Variants in AURKA observed in about 807,000 individuals in gnomAD.
The protein encoded by AURKA is aurora 2.
AURKA carries 12 observed loss-of-function variants against 40.9 expected under a neutral mutation model. That is an observed-to-expected ratio of 0.29 (90% CI 0.19 to 0.48). The LOEUF (loss-of-function observed/expected upper bound fraction) is 0.48, where lower values mean the gene tolerates loss of function less well. Among genes scored for constraint, AURKA ranks in the 20% least tolerant of loss-of-function variants. AURKA has a pLI of 0.99. For synonymous variants in AURKA, 170 were observed against 164.3 expected, an observed-to-expected ratio of 1.03 and a Z score of -0.26; for missense variants, 322 against 462.1, an observed-to-expected ratio of 0.70 and a Z score of 2.78.
chr20:56,386,192 A>G (rs2146203280), intron 3 of AURKA, 65 bp downstream of exon 3: 1 of 1,590,930 alleles, frequency 6.3e-7, no homozygotes, highest in South Asian at 1.1e-5. Flanking sequence ...GCAAGTATAT[A>G]CACTGGCTTT....
intron 7 of AURKA, among the ~76,000 whole-genome samples, chr20:56,371,439 T>C (rs955320734): frequency 1.7e-4 from 25 of 150,054 alleles, no homozygotes; most frequent in East Asian, 4.0e-4. Flanking sequence ...CCAGCCTGGG[T>C]GACAGAGCGA....
chr20:56,381,560 A>G lies in AURKA; in HGVS notation c.578T>C (p.Ile193Thr). The G allele has an allele frequency of 1.2e-6, 2 of 1,613,858 alleles. No individual in the cohort carries two copies. The highest frequency in any genetic ancestry group is 1.1e-5 in the South Asian group (1 of 91,082). ...EIQSHLRHPNILRLYGYFHDA... is the reference protein window; with the variant it reads ...EIQSHLRHPNTLRLYGYFHDA... ...ATGGAAATAACCATACAGTCTAAGAATATTAGGATGCCTGCAACAAAGGAT... is the reference window on the plus strand; with the variant it reads ...ATGGAAATAACCATACAGTCTAAGAGTATTAGGATGCCTGCAACAAAGGAT... Residue 193 changes from isoleucine to threonine, a missense_variant, in exon 6 of 9, where the codon ATT becomes ACT. Ile to Thr is a moderately conservative substitution (Grantham distance 89). Coordinates refer to ENST00000395915, the MANE Select transcript of AURKA (RefSeq NM_198437.3).
intron 6 of AURKA, 112 bp downstream of exon 6, chr20:56,381,321 A>T: frequency 7.6e-7 from 1 of 1,315,572 alleles, no homozygotes; most frequent in Non-Finnish European, 1.1e-6. Flanking sequence ...ATTTGATATT[A>T]AGCTATCCTT....
chr20:56,389,266 C>T (rs6014714), intron 1 of AURKA, among the ~76,000 whole-genome samples: 5 of 152,170 alleles, frequency 3.3e-5, no homozygotes, highest in African/African-American at 1.2e-4. Flanking sequence ...CACCCAGTGC[C>T]TCAGCTCTAA....
At chr20:56,375,551 G>A (rs922915313) in intron 6 of AURKA, among the ~76,000 whole-genome samples, 3 of 152,126 alleles carry the variant, frequency 2.0e-5, no homozygotes, top group African/African-American at 7.2e-5. Flanking sequence ...TTCTAGACAG[G>A]ATTGAACATT....
intron 6 of AURKA, among the ~76,000 whole-genome samples, chr20:56,374,047 ACACAT>A (rs1209647776): frequency 6.6e-5 from 10 of 150,782 alleles, no homozygotes; most frequent in Admixed American, 2.6e-4. Context: ...ACACACACAC[ACACAT>A]CAACTGAACC....
chr20:56,381,693 C>G (rs1201886110), intron 5 of AURKA, 122 bp from the exon 6 acceptor site: 206 of 1,217,132 alleles, frequency 1.7e-4, no homozygotes, highest in Non-Finnish European at 1.8e-5. Flanking sequence ...CACTCCAAAC[C>G]CCACTTTAGA....
intron 7 of AURKA, among the ~76,000 whole-genome samples, chr20:56,371,094 T>C (rs1312793575): frequency 6.6e-6 from 1 of 152,142 alleles, no homozygotes; most frequent in Non-Finnish European, 1.5e-5. Flanking sequence ...TGTAGACACA[T>C]GCTGCCTTGT....
intron 6 of AURKA, among the ~76,000 whole-genome samples, chr20:56,379,532 C>T (rs1420429050): frequency 5.9e-5 from 9 of 152,202 alleles, no homozygotes; most frequent in Non-Finnish European, 4.4e-5. Flanking sequence ...GCAATGAGTA[C>T]ACCAAGTGCC....
chr20:56,375,647 A>G (rs866571292), intron 6 of AURKA, among the ~76,000 whole-genome samples: 1 of 152,216 alleles, frequency 6.6e-6, no homozygotes, highest in East Asian at 1.9e-4. Flanking sequence ...TTTCAGCCCA[A>G]AACCGGAGAT....
intron 1 of AURKA, chr20:56,388,559 C>A (rs1374876960): frequency 3.5e-6 from 1 of 285,972 alleles, no homozygotes; most frequent in Non-Finnish European, 6.8e-6. Flanking sequence ...CACCTGTAAT[C>A]CCAGCATTTT....
chr20:56,375,151 G>T (rs946354563), intron 6 of AURKA, among the ~76,000 whole-genome samples: 3 of 151,992 alleles, frequency 2.0e-5, no homozygotes, highest in Admixed American at 6.6e-5. Flanking sequence ...AAGAGACAGG[G>T]TCTCACTCTG....
chr20:56,385,212 C>T (rs1986202294), intron 3 of AURKA, among the ~76,000 whole-genome samples: 2 of 152,176 alleles, frequency 1.3e-5, no homozygotes, highest in South Asian at 4.1e-4. Context: ...TTAGCTTCCT[C>T]CTCTGTAAAA....
At chr20:56,386,171 A>C (rs749133736) in intron 3 of AURKA, 86 bp downstream of exon 3, 38 of 1,560,802 alleles carry the variant, frequency 2.4e-5, no homozygotes, top group Middle Eastern at 3.3e-4. Flanking sequence ...CTAAGGCTCC[A>C]AACAATAAGT....
chr20:56,377,729 G>T (rs562006039), intron 6 of AURKA, among the ~76,000 whole-genome samples: 1 of 152,146 alleles, frequency 6.6e-6, no homozygotes, highest in African/African-American at 2.4e-5. Context: ...GGAGGTTGCA[G>T]TGAGCCAAAA....
At chr20:56,381,387 G>A (rs1293381827) in intron 6 of AURKA, 46 bp downstream of exon 6, 1 of 1,607,458 alleles carries the variant, frequency 6.2e-7, no homozygotes, top group African/African-American at 1.3e-5. Flanking sequence ...ATGGAGGACA[G>A]GTATAAAGGA....
chr20:56,369,754 ACACT>A lies in AURKA; in HGVS notation c.*400_*403del, dbSNP rs1983849723. 7.6e-6 allele frequency: 3 copies of A among 395,268 alleles called. No homozygotes were observed. The highest frequency in any genetic ancestry group is 1.4e-5 in the Non-Finnish European group (3 of 211,574). 24.5% of individuals were successfully genotyped at this position (395,268 alleles called of 1,614,324 possible). On this transcript the variant is annotated 3_prime_UTR_variant, in exon 9 of 9. Coordinates refer to ENST00000395915, the MANE Select transcript of AURKA (RefSeq NM_198437.3). ...AGGCTTCGCCAACCCAATAAGTTAC[ACACT>A]CACTCAGGTACTAGGAAGGTTATTG...
intron 7 of AURKA, among the ~76,000 whole-genome samples, chr20:56,372,382 G>A (rs1039950875): frequency 6.6e-6 from 1 of 152,160 alleles, no homozygotes; most frequent in Non-Finnish European, 1.5e-5. Flanking sequence ...TATCGGTTAT[G>A]TAAGTAATCT....
intron 1 of AURKA, among the ~76,000 whole-genome samples, chr20:56,389,723 A>C (rs753294738): frequency 5.9e-5 from 9 of 152,176 alleles, no homozygotes; most frequent in Non-Finnish European, 1.0e-4. Context: ...CCCCAAATCT[A>C]GTCTCTAGAC....
Sources: gnomAD v4.1 joint callset for allele counts (sites outside exome capture counted in the v4.1 genomes callset) on GRCh38, gnomAD v4.1.1 for gene constraint, MANE v1.5 for transcripts, NCBI Gene and HGNC (gene_info 2026-07-23, HGNC 2026-07-21) for gene names.